Variants in CDKL5 observed in about 807,000 individuals in gnomAD.
CDKL5 encodes the protein cyclin-dependent kinase-like 5.
Under a neutral mutation model 61.7 loss-of-function variants are expected in CDKL5, and 8 were observed. The ratio of observed to expected loss-of-function variants is 0.13; its 90% CI spans 0.08 to 0.23. CDKL5 has a LOEUF of 0.23. Among genes scored for constraint, CDKL5 ranks in the 10% least tolerant of loss-of-function variants. The pLI is 1.00. For missense variants in CDKL5, 440 were observed against 734.5 expected (o/e 0.60, Z 4.63); for synonymous variants, 275 against 272.3 (o/e 1.01, Z -0.10).
chrX:18,566,029 G>A (rs751057450), intron 4 of CDKL5, among the ~76,000 whole-genome samples: 1 of 112,120 alleles, frequency 8.9e-6, no homozygotes, highest in South Asian at 3.7e-4. Flanking sequence ...CACAACCTTC[G>A]CATGCATGTA....
intron 14 of CDKL5, among the ~76,000 whole-genome samples, chrX:18,612,791 G>A (rs1926597252): frequency 9.0e-6 from 1 of 111,581 alleles, no homozygotes; most frequent in South Asian, 3.8e-4. Context: ...GCAGTGGATG[G>A]AGGGACAAGG....
intron 4 of CDKL5, among the ~76,000 whole-genome samples, chrX:18,570,997 C>A (rs1925118599): frequency 9.0e-6 from 1 of 111,378 alleles, no homozygotes; most frequent in Non-Finnish European, 1.9e-5. Context: ...TTCAGCTAAA[C>A]CCCCTCAGTG....
rs1331715642 is a variant in CDKL5 at position 18,630,063 on chromosome X, A to G, written c.*1306A>G. ...TCTATTTCTGAATGCCTTTTTTGCT[A>G]TTGCTCTCTCCAATACCATATTTAA... is the stretch of plus-strand genomic sequence containing the variant. On this transcript the variant is annotated 3_prime_UTR_variant, in exon 18 of 18. Transcript: ENST00000623535. 2.7e-6 allele frequency: 2 copies of G among 751,162 alleles called. No homozygotes were observed. Among genetic ancestry groups the G allele is most frequent in the Non-Finnish European group, 3.1e-6 (2 of 638,233 alleles). 61.9% of individuals were successfully genotyped at this position (751,162 alleles called of 1,213,427 possible).
At chrX:18,435,823 T>C (rs1203179031) in intron 1 of CDKL5, among the ~76,000 whole-genome samples, 1 of 111,269 alleles carries the variant, frequency 9.0e-6, no homozygotes, top group Non-Finnish European at 1.9e-5. Flanking sequence ...CACCTTGGCC[T>C]CCCAAAGTGC....
intron 5 of CDKL5, among the ~76,000 whole-genome samples, chrX:18,579,153 C>T (rs889834597): frequency 8.9e-6 from 1 of 111,739 alleles, no homozygotes; most frequent in African/African-American, 3.2e-5. Context: ...GATTGTACCA[C>T]GGGCCTTGTA....
At chrX:18,510,799 G>A (rs1368301389) in intron 2 of CDKL5, 21 bp from the exon 3 acceptor site, 1 of 1,178,134 alleles carries the variant, frequency 8.5e-7, no homozygotes, top group Non-Finnish European at 1.2e-6. Flanking sequence ...GCCCTTGATT[G>A]TTTACTTCTT....
At chrX:18,627,850 A>G (rs1927114153) in intron 17 of CDKL5, 1 of 109,932 alleles carries the variant, frequency 9.1e-6, no homozygotes, top group Non-Finnish European at 1.9e-5. Flanking sequence ...CAATATCGAG[A>G]GAGGGAAATT....
chrX:18,451,099 C>A (rs1345772743), intron 1 of CDKL5, among the ~76,000 whole-genome samples: 1 of 111,579 alleles, frequency 9.0e-6, no homozygotes, highest in Non-Finnish European at 1.9e-5. Flanking sequence ...TTGTTTCCAA[C>A]CTTGGTAGGT....
intron 1 of CDKL5, among the ~76,000 whole-genome samples, chrX:18,496,627 A>G (rs1386852183): frequency 1.8e-5 from 2 of 111,725 alleles, no homozygotes; most frequent in Admixed American, 1.9e-4. Flanking sequence ...TCAAAGAAAT[A>G]TATTTTGGGG....
rs183378118 is a variant in CDKL5 at position 18,505,364 on chromosome X, C to T, written c.-162-1571C>T. On this transcript the variant is annotated intron_variant, in intron 1 of 17. Coordinates refer to ENST00000623535, the MANE Select transcript of CDKL5 (RefSeq NM_001323289.2). ...AATATGAAAATTAGAAAACTACTGA[C>T]AACAGTACTATAATCTGTGAACATT... 7.1e-5 allele frequency among the ~76,000 whole-genome samples: 8 copies of T among 112,074 alleles called. No individual in the cohort carries two copies. The East Asian group carries it at 2.0e-3, about 27-fold the overall frequency.
In CDKL5 at chrX:18,575,406, T is replaced by C; in HGVS notation, c.198T>C (p.Thr66=). The change falls in exon 5 of 18, where the codon ACT becomes ACC. Residue 66 remains threonine (T), a synonymous_variant. Transcript: ENST00000623535. ...TTLRELKMLR[T]LKQENIVELK... is the part of the protein sequence containing the mutation. ...TACGAGAGCTTAAAATGCTTCGGAC[T>C]CTCAAGCAGGAAAACATTGTGGAGT... is the stretch of plus-strand genomic sequence containing the variant. 1 of 1,208,289 alleles carries C rather than the reference T, an allele frequency of 8.3e-7. No homozygotes were observed. The highest frequency in any genetic ancestry group is 1.1e-6 in the Non-Finnish European group (1 of 892,367).
At chrX:18,529,184 CT>C (rs771617035) in intron 3 of CDKL5, among the ~76,000 whole-genome samples, 36 of 90,063 alleles carry the variant, frequency 4.0e-4, no homozygotes, top group Non-Finnish European at 6.2e-4. Flanking sequence ...CTTGTTTTTA[CT>C]TTTTTTTTTT....
At position 18,630,007 on chromosome X, in the gene CDKL5, C is replaced by G. The variant is rs1221589308; in HGVS notation, c.*1250C>G. 1.6e-4 allele frequency: 117 copies of G among 752,276 alleles called. No individual in the cohort carries two copies. Among genetic ancestry groups the G allele is most frequent in the Non-Finnish European group, 1.7e-4 (108 of 638,943 alleles). 62.0% of individuals were successfully genotyped at this position (752,276 alleles called of 1,213,427 possible). ...TGTCCACTGTCCCGGAGACTCTTGG[C>G]TGATGGGGTGTGAGATATATGTGTG... On this transcript the variant is annotated 3_prime_UTR_variant, in exon 18 of 18. Coordinates refer to ENST00000623535, the MANE Select transcript of CDKL5 (RefSeq NM_001323289.2).
At chrX:18,581,797 A>C (rs1324546930) in intron 6 of CDKL5, 94 bp from the exon 7 acceptor site, 3 of 558,506 alleles carry the variant, frequency 5.4e-6, no homozygotes, top group Non-Finnish European at 9.1e-6. Flanking sequence ...TACTCTAGAT[A>C]TTTCTAATTA....
At chrX:18,484,594 A>G (rs1409910010) in intron 1 of CDKL5, among the ~76,000 whole-genome samples, 1 of 111,473 alleles carries the variant, frequency 9.0e-6, no homozygotes, top group East Asian at 2.8e-4. Context: ...CTGGGATTAC[A>G]GGCATGAGCC....
chrX:18,594,409 C>T, intron 9 of CDKL5, among the ~76,000 whole-genome samples: 1 of 112,131 alleles, frequency 8.9e-6, no homozygotes, highest in Non-Finnish European at 1.9e-5. Flanking sequence ...ATCTAGGAAC[C>T]TGTTTGTCTT....
In CDKL5 at chrX:18,633,972, A is replaced by G; in HGVS notation, c.*5215A>G. ...AAGTTTGTCTCATTTTGCCAGAAAA[A>G]AATTGTAATAGTCGGCACGCTGGAT... is the stretch of plus-strand genomic sequence containing the variant. On this transcript the variant is annotated 3_prime_UTR_variant, in exon 18 of 18. Transcript: ENST00000623535. 1 of 754,205 alleles carries G rather than the reference A, an allele frequency of 1.3e-6. No individual in the cohort carries two copies. Among genetic ancestry groups the G allele is most frequent in the Non-Finnish European group, 1.6e-6 (1 of 639,378 alleles). The allele number at this position is 754,205 out of a possible 1,213,427, so 62.2% of individuals were successfully genotyped here.
chrX:18,626,665 T>C (rs1056996388), intron 17 of CDKL5: 82 of 11,317 alleles, frequency 7.2e-3, no homozygotes, highest in African/African-American at 0.028. Flanking sequence ...AGAAGCCCTC[T>C]CTCTCTCTCT....
chrX:18,527,504 A>T (rs1303641695), intron 3 of CDKL5, among the ~76,000 whole-genome samples: 1 of 111,960 alleles, frequency 8.9e-6, no homozygotes, highest in African/African-American at 3.2e-5. Flanking sequence ...CTAAGTTGTC[A>T]AATTTTTAGG....
Sources: gnomAD v4.1 joint callset for allele counts (sites outside exome capture counted in the v4.1 genomes callset) on GRCh38, gnomAD v4.1.1 for gene constraint, MANE v1.5 for transcripts, NCBI Gene and HGNC (gene_info 2026-07-23, HGNC 2026-07-21) for gene names.